Variants in ADCY8 observed in about 807,000 individuals in gnomAD.
The protein encoded by ADCY8 is adenylate cyclase 8, also known as adenylate cyclase type 8.
In ADCY8, 51 loss-of-function variants were observed where a neutral mutation model predicts 119.7. The ratio of observed to expected loss-of-function variants is 0.43; its 90% CI spans 0.34 to 0.54. The LOEUF (loss-of-function observed/expected upper bound fraction) is 0.54. Among genes scored for constraint, ADCY8 ranks in the 20% least tolerant of loss-of-function variants. The pLI is 0.03. For missense variants in ADCY8, 1,383 were observed against 1,598.8 expected (o/e 0.87, Z 2.30); for synonymous variants, 665 against 651.0 (o/e 1.02, Z -0.33).
At chr8:130,885,451 G>A (rs902749364) in intron 7 of ADCY8, among the ~76,000 whole-genome samples, 1 of 152,028 alleles carries the variant, frequency 6.6e-6, no homozygotes, top group Non-Finnish European at 1.5e-5. Context: ...TACACAGCAC[G>A]AGACGGGGAA....
chr8:130,899,535 G>T (rs1031227930), intron 7 of ADCY8, among the ~76,000 whole-genome samples: 5 of 152,050 alleles, frequency 3.3e-5, no homozygotes, highest in Admixed American at 1.3e-4. Context: ...GAACCCGGGA[G>T]GCGGAGGTTG....
chr8:130,846,888 TTTCCTTCCTTCCTTCCTTCC>T (rs767208726), intron 11 of ADCY8, among the ~76,000 whole-genome samples: 1 of 19,834 alleles, frequency 5.0e-5, no homozygotes, highest in Non-Finnish European at 8.7e-5. Context: ...TTCCCTTCCC[TTTCCTTCCTTCCTTCCTTCC>T]TTCCTTCCTT....
intron 7 of ADCY8, among the ~76,000 whole-genome samples, chr8:130,894,593 T>C (rs939500265): frequency 6.6e-6 from 1 of 152,148 alleles, no homozygotes; most frequent in Admixed American, 6.6e-5. Context: ...CAACAGTAGT[T>C]TGGGAATCCT....
intron 5 of ADCY8, among the ~76,000 whole-genome samples, chr8:130,936,560 C>T (rs1268628216): frequency 6.6e-6 from 1 of 152,084 alleles, no homozygotes; most frequent in Non-Finnish European, 1.5e-5. Flanking sequence ...GAAAACTCTC[C>T]CCTCCACTTC....
intron 5 of ADCY8, among the ~76,000 whole-genome samples, chr8:130,921,447 TTC>T (rs1237231734): frequency 8.3e-6 from 1 of 121,006 alleles, no homozygotes; most frequent in Non-Finnish European, 1.9e-5. Flanking sequence ...TCTTTTTCTT[TTC>T]TTTTTTTTTT....
At chr8:130,976,880 G>A (rs1822087825) in intron 2 of ADCY8, among the ~76,000 whole-genome samples, 1 of 152,012 alleles carries the variant, frequency 6.6e-6, no homozygotes, top group Non-Finnish European at 1.5e-5. Flanking sequence ...CCTTTACATG[G>A]AGCTCATTTT....
intron 7 of ADCY8, among the ~76,000 whole-genome samples, chr8:130,892,944 G>A (rs6470860): frequency 0.48 from 72,393 of 151,918 alleles, 18,837 homozygotes; most frequent in East Asian, 0.63. Flanking sequence ...TGAGAAGCTT[G>A]CCTGACTCTA....
intron 11 of ADCY8, among the ~76,000 whole-genome samples, chr8:130,846,855 C>CCCTTCCCTCCCCTCCCTTCCCTTCCCTT (rs1817334682): frequency 3.4e-5 from 1 of 29,384 alleles, no homozygotes; most frequent in Admixed American, 3.5e-4. Flanking sequence ...CTTCCTTCCT[C>CCCTTCCCTCCCCTCCCTTCCCTTCCCTT]CCCTCCCCTC....
chr8:130,906,193 TAATATTG>T (rs1819778749), intron 6 of ADCY8, among the ~76,000 whole-genome samples: 1 of 152,238 alleles, frequency 6.6e-6, no homozygotes, highest in Admixed American at 6.5e-5. Flanking sequence ...ATGAACTCAA[TAATATTG>T]ACCTGGGAGA....
At chr8:130,975,368 T>C (rs185412136) in intron 2 of ADCY8, among the ~76,000 whole-genome samples, 9 of 152,336 alleles carry the variant, frequency 5.9e-5, no homozygotes, top group African/African-American at 2.2e-4. Flanking sequence ...GTAGTCATGC[T>C]GACATGTGAC....
chr8:130,948,494 G>A (rs888961560), intron 3 of ADCY8, among the ~76,000 whole-genome samples: 4 of 152,138 alleles, frequency 2.6e-5, no homozygotes, highest in Middle Eastern at 3.2e-3. Flanking sequence ...CTTGCCAAGG[G>A]TGTGGCTACC....
At position 130,937,077 on chromosome 8, in the gene ADCY8, T is replaced by C; in HGVS notation, c.1477A>G (p.Ile493Val). ...ATGATGGGGATCACAAATTACCTGA[T>C]GGTTTTGATCATGCTGAGACCCATT... The part of the protein sequence containing the change: ...VEMGLSMIKT[I>V]RYVRSRTKHD... Residue 493 changes from isoleucine (I) to valine (V), a missense_variant, in exon 5 of 18, where the codon ATC becomes GTC. This residue lies in a region of ADCY8 where 928 missense variants were observed against 1,163.5 expected (regional missense o/e 0.80). Transcript: ENST00000286355. The C allele has an allele frequency of 5.0e-6, 8 of 1,610,794 alleles. No individual in the cohort carries two copies. Among genetic ancestry groups the C allele is most frequent in the Non-Finnish European group, 6.8e-6 (8 of 1,178,172 alleles).
At chr8:130,868,799 T>C (rs996851984) in intron 8 of ADCY8, among the ~76,000 whole-genome samples, 1 of 152,204 alleles carries the variant, frequency 6.6e-6, no homozygotes, top group East Asian at 1.9e-4. Flanking sequence ...TTTTGGGGGA[T>C]AGAAAACTAA....
intron 5 of ADCY8, among the ~76,000 whole-genome samples, chr8:130,932,801 C>T (rs917314977): frequency 3.3e-5 from 5 of 151,984 alleles, no homozygotes; most frequent in African/African-American, 7.3e-5. Context: ...TAGCAGTGGA[C>T]GACCCTGGCC....
chr8:130,891,113 A>G (rs910450477), intron 7 of ADCY8, among the ~76,000 whole-genome samples: 8 of 151,872 alleles, frequency 5.3e-5, no homozygotes, highest in East Asian at 3.9e-4. Context: ...AGTTTCCCCA[A>G]CCTATTCTGG....
At chr8:130,921,869 T>C (rs1032567063) in intron 5 of ADCY8, among the ~76,000 whole-genome samples, 3 of 152,194 alleles carry the variant, frequency 2.0e-5, no homozygotes, top group African/African-American at 7.2e-5. Flanking sequence ...ATATTTCATG[T>C]ATTAGAAAGT....
intron 1 of ADCY8, among the ~76,000 whole-genome samples, chr8:131,027,206 AAC>A (rs1347729889): frequency 4.6e-5 from 7 of 152,206 alleles, no homozygotes; most frequent in Admixed American, 1.3e-4. Context: ...AAGTCAAACA[AAC>A]ACAATTCTCC....
intron 8 of ADCY8, among the ~76,000 whole-genome samples, chr8:130,869,966 C>CG (rs1818284691): frequency 1.7e-5 from 1 of 57,920 alleles, no homozygotes; most frequent in Non-Finnish European, 3.4e-5. Flanking sequence ...CTTCTTCCTT[C>CG]TTCCTTCTTC....
chr8:130,805,643 A>G (rs1543020), intron 14 of ADCY8, among the ~76,000 whole-genome samples: 6 of 151,972 alleles, frequency 3.9e-5, no homozygotes, highest in Non-Finnish European at 7.4e-5. Flanking sequence ...TGAAGACCAA[A>G]CCCCCAACAC....
Sources: allele counts gnomAD v4.1 joint callset (sites outside exome capture counted in the v4.1 genomes callset), GRCh38; gene constraint gnomAD v4.1.1; regional missense constraint gnomAD v4.1.1; transcripts MANE v1.5; gene names NCBI Gene and HGNC (gene_info 2026-07-23, HGNC 2026-07-21).